Variants in RASGEF1A observed in about 807,000 individuals in gnomAD.
RASGEF1A encodes the protein ras-GEF domain-containing family member 1A.
Under a neutral mutation model 56.4 loss-of-function variants are expected in RASGEF1A, and 18 were observed. That is an observed-to-expected ratio of 0.32 (90% confidence interval 0.22 to 0.47). The LOEUF is 0.47. RASGEF1A is among the 20% of genes least tolerant of loss of function. The probability of loss-of-function intolerance (pLI) is 1.00; values close to 1 mark genes in which losing one functional copy is unlikely to be tolerated. For synonymous variants in RASGEF1A, 245 were observed against 242.6 expected (o/e 1.01, Z -0.09); for missense variants, 422 against 627.1 (o/e 0.67, Z 3.49).
chr10:43,203,504 T>TG, intron 2 of RASGEF1A, 84 bp from the exon 3 acceptor site: 1 of 1,444,816 alleles, frequency 6.9e-7, no homozygotes, highest in Admixed American at 2.6e-5. Context: ...CTGGCCCGGC[T>TG]GCCTCCCAGG....
At chr10:43,228,090 C>T (rs1022766229) in intron 1 of RASGEF1A, among the ~76,000 whole-genome samples, 4 of 152,120 alleles carry the variant, frequency 2.6e-5, no homozygotes, top group Non-Finnish European at 4.4e-5. Context: ...GCCCCGTCAC[C>T]CCCACTGGCT....
At chr10:43,237,217 T>C (rs929296010) in intron 1 of RASGEF1A, among the ~76,000 whole-genome samples, 2 of 152,206 alleles carry the variant, frequency 1.3e-5, no homozygotes, top group South Asian at 2.1e-4. Context: ...CAGCCTGCTC[T>C]ATGGAAATTG....
At chr10:43,230,089 G>A (rs968388153) in intron 1 of RASGEF1A, among the ~76,000 whole-genome samples, 1 of 151,354 alleles carries the variant, frequency 6.6e-6, no homozygotes, top group Non-Finnish European at 1.5e-5. Context: ...GGGGCGCAGC[G>A]TGGGTCGGGG....
intron 1 of RASGEF1A, among the ~76,000 whole-genome samples, chr10:43,260,594 G>GC (rs1330472766): frequency 2.6e-5 from 4 of 152,038 alleles, no homozygotes; most frequent in Non-Finnish European, 5.9e-5. Context: ...GCTAGGGTCC[G>GC]CCCCCCTCTC....
chr10:43,196,837 CG>C lies in RASGEF1A; in HGVS notation c.1348+138del. On this transcript the variant is annotated intron_variant, in intron 11 of 12. Transcript: ENST00000395810. This position sits in a 1 kb window ranked among gnomAD's most constrained non-coding sequence, Gnocchi z 4.6. The stretch of plus-strand genomic sequence containing the variant: ...CCCATGACCCACCCTCATGCACACT[CG>C]CCCCTGCGAGCAGAGCCAGCCCTGT... The C allele has an allele frequency of 9.5e-7, 1 of 1,055,084 alleles. No homozygotes were observed. Among genetic ancestry groups the C allele is most frequent in the Non-Finnish European group, 1.4e-6 (1 of 736,270 alleles). 65.4% of individuals were successfully genotyped at this position (1,055,084 alleles called of 1,614,324 possible).
chr10:43,242,491 G>A (rs12772731), intron 1 of RASGEF1A, among the ~76,000 whole-genome samples: 3,115 of 151,564 alleles, frequency 0.021, 89 homozygotes, highest in Middle Eastern at 0.041. Flanking sequence ...AAAAAAAATC[G>A]CTCCCTCTCC....
chr10:43,242,293 T>G (rs1282877757), intron 1 of RASGEF1A, among the ~76,000 whole-genome samples: 2 of 152,178 alleles, frequency 1.3e-5, no homozygotes, highest in Non-Finnish European at 2.9e-5. Flanking sequence ...TTTATAATGA[T>G]TAAAGGGCTA....
intron 3 of RASGEF1A, chr10:43,202,654 G>GCCCCCCCC: frequency 5.9e-6 from 1 of 170,380 alleles, no homozygotes; most frequent in Non-Finnish European, 1.2e-5. Context: ...CCCGGCCCCC[G>GCCCCCCCC]CACCACCCAG....
chr10:43,266,503 C>T (rs1238129430), intron 1 of RASGEF1A, among the ~76,000 whole-genome samples: 1 of 151,412 alleles, frequency 6.6e-6, no homozygotes, highest in Non-Finnish European at 1.5e-5. Context: ...CGAACCTGCC[C>T]GCAGTGCCCA....
intron 1 of RASGEF1A, among the ~76,000 whole-genome samples, chr10:43,226,615 G>A (rs1270182399): frequency 3.3e-5 from 5 of 151,984 alleles, no homozygotes; most frequent in Non-Finnish European, 7.4e-5. Context: ...GAACCCACAG[G>A]GACCCAGGCA....
intron 1 of RASGEF1A, among the ~76,000 whole-genome samples, chr10:43,238,587 C>T (rs1840465478): frequency 1.3e-5 from 2 of 152,206 alleles, no homozygotes; most frequent in African/African-American, 2.4e-5. Context: ...GTGAGGGTCC[C>T]GTGGGTTTCC....
At chr10:43,201,008 A>G (rs975160045) in intron 4 of RASGEF1A, 120 bp from the exon 5 acceptor site, 15 of 870,840 alleles carry the variant, frequency 1.7e-5, no homozygotes, top group Non-Finnish European at 2.3e-5. Context: ...CACAGCCCCT[A>G]TCTAAACCGC....
intron 1 of RASGEF1A, among the ~76,000 whole-genome samples, chr10:43,227,130 T>C (rs1177356187): frequency 6.6e-6 from 1 of 152,188 alleles, no homozygotes; most frequent in Non-Finnish European, 1.5e-5. Context: ...CAGTTTGGTC[T>C]CCTTCCTCTG....
chr10:43,215,024 T>C (rs1234709420), intron 1 of RASGEF1A, among the ~76,000 whole-genome samples: 4 of 152,158 alleles, frequency 2.6e-5, no homozygotes, highest in African/African-American at 9.7e-5. Flanking sequence ...GGCAGGGGCA[T>C]GGCCCCCTGA....
rs145225610 is a variant in RASGEF1A at position 43,230,361 on chromosome 10, T to G, written c.-6-24239A>C. On this transcript the variant is annotated intron_variant, in intron 1 of 12. Transcript: ENST00000395810. ...CGCAGCGAGGGGTGGGCTGGGCACA[T>G]GGCACAGTGAGGCTCCTCCCGCCCC... Among the ~76,000 whole-genome samples, 570 of 152,290 alleles carry G rather than the reference T, an allele frequency of 3.7e-3. 2 individuals are homozygous for G. Among genetic ancestry groups the G allele is most frequent in the Non-Finnish European group, 6.8e-3 (464 of 68,008 alleles).
intron 1 of RASGEF1A, among the ~76,000 whole-genome samples, chr10:43,221,051 C>T (rs922252737): frequency 4.6e-5 from 7 of 152,144 alleles, no homozygotes; most frequent in South Asian, 4.1e-4. Flanking sequence ...TCGAGAACTC[C>T]GAAGCCTCTT....
intron 1 of RASGEF1A, among the ~76,000 whole-genome samples, chr10:43,258,383 G>C (rs760224958): frequency 4.6e-5 from 7 of 152,194 alleles, no homozygotes; most frequent in Non-Finnish European, 7.3e-5. Context: ...ATGGCAGCAG[G>C]AGGGTGAAGT....
intron 1 of RASGEF1A, among the ~76,000 whole-genome samples, chr10:43,236,930 G>A (rs1233528416): frequency 6.6e-6 from 1 of 151,990 alleles, no homozygotes; most frequent in Admixed American, 6.5e-5. Context: ...CTGGCCTTGT[G>A]GGAGGGTCTC....
At position 43,196,599 on chromosome 10, in the gene RASGEF1A, C is replaced by T; in HGVS notation, c.1349-51G>A. The T allele has an allele frequency of 6.6e-7, 1 of 1,517,510 alleles. No individual in the cohort carries two copies. The allele number at this position is 1,517,510 out of a possible 1,614,324, so 94.0% of individuals were successfully genotyped here. On this transcript the variant is annotated intron_variant, in intron 11 of 12. Transcript: ENST00000395810. The surrounding 1 kb of genome is among the most constrained non-coding windows in gnomAD (Gnocchi z 4.6). ...GCCTGTGTCCCCATGCAGTGTCTGC[C>T]TGAACCCAGCTGTCCCTTCAGGAGT...
Sources: allele counts gnomAD v4.1 joint callset (sites outside exome capture counted in the v4.1 genomes callset), GRCh38; gene constraint gnomAD v4.1.1; non-coding constraint Gnocchi (gnomAD v3.1); transcripts MANE v1.5; gene names NCBI Gene and HGNC (gene_info 2026-07-23, HGNC 2026-07-21).